RNF152: variants seen among roughly 807,000 people sequenced by gnomAD.
The protein encoded by RNF152 is ring finger protein 152, also known as E3 ubiquitin-protein ligase RNF152.
A neutral mutation model predicts 12.7 loss-of-function variants in RNF152; 11 were observed. The observed-to-expected ratio is 0.86, with a 90% CI of 0.54 to 1.43. The LOEUF is 1.43. RNF152 is among the 40% of genes most tolerant of loss of function. The pLI is 0.00. For synonymous variants in RNF152, 113 were observed against 120.3 expected, an observed-to-expected ratio of 0.94 and a Z score of 0.40; for missense variants, 255 against 274.8, an observed-to-expected ratio of 0.93 and a Z score of 0.51.
intron 1 of RNF152, among the ~76,000 whole-genome samples, chr18:61,833,054 G>A (rs960466071): frequency 3.3e-5 from 5 of 152,212 alleles, no homozygotes; most frequent in East Asian, 3.8e-4. Flanking sequence ...GGATGGCAGC[G>A]TGCTTTCTTC....
intron 1 of RNF152, among the ~76,000 whole-genome samples, chr18:61,872,319 G>T (rs1912030791): frequency 6.6e-6 from 1 of 152,128 alleles, no homozygotes; most frequent in African/African-American, 2.4e-5. Flanking sequence ...TTTGGGTGGG[G>T]ACATAGATCC....
At chr18:61,881,173 C>A (rs772926261) in intron 1 of RNF152, among the ~76,000 whole-genome samples, 2 of 152,206 alleles carry the variant, frequency 1.3e-5, no homozygotes, top group Non-Finnish European at 2.9e-5. Flanking sequence ...CTCAGCCTCC[C>A]AAAGTGCTGG....
intron 1 of RNF152, among the ~76,000 whole-genome samples, chr18:61,851,002 A>C (rs1599295251): frequency 1.4e-5 from 2 of 147,906 alleles, no homozygotes; most frequent in African/African-American, 5.1e-5. Flanking sequence ...AATCATGGCC[A>C]CTCCCCAGGG....
chr18:61,880,772 C>T (rs1319090767), intron 1 of RNF152, among the ~76,000 whole-genome samples: 1 of 152,112 alleles, frequency 6.6e-6, no homozygotes, highest in Non-Finnish European at 1.5e-5. Flanking sequence ...AAGCCAACAC[C>T]ACCATATAAA....
chr18:61,831,351 T>G (rs1039799321), intron 1 of RNF152, among the ~76,000 whole-genome samples: 4 of 152,228 alleles, frequency 2.6e-5, no homozygotes, highest in Admixed American at 6.5e-5. Flanking sequence ...TTGCTGCTTA[T>G]TTAGCTTGAG....
At chr18:61,825,164 T>A (rs549643024) in intron 1 of RNF152, among the ~76,000 whole-genome samples, 1 of 152,316 alleles carries the variant, frequency 6.6e-6, no homozygotes, top group Admixed American at 6.5e-5. Flanking sequence ...TGTGTACTAT[T>A]CAAGGAACCG....
At position 61,813,865 on chromosome 18, in the gene RNF152, T is replaced by C. The variant is rs180751777; in HGVS notation, c.*1987A>G. 1 of 152,244 alleles carries C rather than the reference T, an allele frequency of 6.6e-6. No individual in the cohort carries two copies. Among genetic ancestry groups the C allele is most frequent in the East Asian group, 1.9e-4 (1 of 5,186 alleles). 9.4% of individuals were successfully genotyped at this position (152,244 alleles called of 1,614,324 possible). A position where few individuals can be genotyped will look rare whatever the true frequency, so the allele number is the denominator to read the frequency against. On this transcript the variant is annotated 3_prime_UTR_variant, in exon 2 of 2. Coordinates refer to ENST00000312828, the MANE Select transcript of RNF152 (RefSeq NM_173557.3). ...ATGCATTATGGCAGCCTGGGAGAGT[T>C]TGAGAAATTGACACTAACCCAACAG...
At chr18:61,831,584 A>G (rs1909947873) in intron 1 of RNF152, among the ~76,000 whole-genome samples, 1 of 152,296 alleles carries the variant, frequency 6.6e-6, no homozygotes. Flanking sequence ...TTTATATCCA[A>G]GACTACGCAC....
In RNF152 at chr18:61,810,685, G is replaced by T. The variant is rs1471465542; in HGVS notation, c.*5167C>A. On this transcript the variant is annotated 3_prime_UTR_variant, in exon 2 of 2. Transcript: ENST00000312828. ...AATAAATAAATAAGTGTCTCATGTT[G>T]AACAAAATCCAGCAACTGAACATCG... 6.6e-6 allele frequency: 1 copy of T among 152,124 alleles called. No homozygotes were observed. Among genetic ancestry groups the T allele is most frequent in the African/African-American group, 2.4e-5 (1 of 41,438 alleles). 9.4% of individuals were successfully genotyped at this position (152,124 alleles called of 1,614,324 possible).
intron 1 of RNF152, among the ~76,000 whole-genome samples, chr18:61,833,448 A>G (rs1183604857): frequency 6.6e-6 from 1 of 152,194 alleles, no homozygotes; most frequent in African/African-American, 2.4e-5. Flanking sequence ...CTGCAAATCC[A>G]ATTCCAGCTT....
chr18:61,874,941 C>T (rs2144744485), intron 1 of RNF152: 1 of 152,354 alleles, frequency 6.6e-6, no homozygotes, highest in South Asian at 2.1e-4. Context: ...AAGTAAGATG[C>T]TTGAGATGCA....
At chr18:61,862,681 A>C (rs114873950) in intron 1 of RNF152, among the ~76,000 whole-genome samples, 2,180 of 152,244 alleles carry the variant, frequency 0.014, 52 homozygotes, top group African/African-American at 0.05. Flanking sequence ...GTGTCTCTTC[A>C]TCGGTATCCT....
chr18:61,877,172 T>A (rs1191458291), intron 1 of RNF152, among the ~76,000 whole-genome samples: 1 of 152,194 alleles, frequency 6.6e-6, no homozygotes, highest in East Asian at 1.9e-4. Context: ...GTCATCCACA[T>A]GGGCACCAAA....
chr18:61,844,653 T>C (rs1184016676), intron 1 of RNF152, among the ~76,000 whole-genome samples: 2 of 152,228 alleles, frequency 1.3e-5, no homozygotes. Flanking sequence ...GGCCAACAAA[T>C]TATTCATCTT....
At chr18:61,845,434 G>A (rs1038027584) in intron 1 of RNF152, among the ~76,000 whole-genome samples, 7 of 152,192 alleles carry the variant, frequency 4.6e-5, no homozygotes, top group African/African-American at 9.7e-5. Context: ...CACTCAGGCC[G>A]CCGCTGCTCA....
chr18:61,829,310 C>T lies in RNF152; in HGVS notation c.-135-12712G>A, dbSNP rs917916861. 2.2e-4 allele frequency among the ~76,000 whole-genome samples: 33 copies of T among 152,086 alleles called. 1 individual carries two copies. Among genetic ancestry groups the T allele is most frequent in the Admixed American group, 1.3e-3 (20 of 15,278 alleles). On this transcript the variant is annotated intron_variant, in intron 1 of 1. Transcript: ENST00000312828. ...CAGTTCTCAGGATGACTAATCAGCC[C>T]GGCCAGAGGAGGCACAGACCCAGAG...
intron 1 of RNF152, among the ~76,000 whole-genome samples, chr18:61,864,917 G>A (rs1911661533): frequency 6.6e-6 from 1 of 152,204 alleles, no homozygotes; most frequent in South Asian, 2.1e-4. Flanking sequence ...CTACTCAGGA[G>A]GCTGAGGCAG....
chr18:61,857,988 G>T (rs1181757439), intron 1 of RNF152, among the ~76,000 whole-genome samples: 1 of 152,162 alleles, frequency 6.6e-6, no homozygotes, highest in Non-Finnish European at 1.5e-5. Context: ...TTACGTTTGG[G>T]TCTCCTCTGC....
intron 1 of RNF152, among the ~76,000 whole-genome samples, chr18:61,817,884 G>A (rs1568261158): frequency 6.6e-6 from 1 of 152,112 alleles, no homozygotes; most frequent in African/African-American, 2.4e-5. Flanking sequence ...CCCATTGAAA[G>A]CATCCAAATT....
Sources: gnomAD v4.1 joint callset for allele counts (sites outside exome capture counted in the v4.1 genomes callset) on GRCh38, gnomAD v4.1.1 for gene constraint, MANE v1.5 for transcripts, NCBI Gene and HGNC (gene_info 2026-07-23, HGNC 2026-07-21) for gene names.